The following GPC6 variants were observed in gnomAD, a reference collection of about 807,000 sequenced individuals.
GPC6 encodes glypican 6, also known as glypican-6.
In GPC6, 14 loss-of-function variants were observed where a neutral mutation model predicts 55.2. The ratio of observed to expected loss-of-function variants is 0.25; its 90% confidence interval spans 0.17 to 0.40. GPC6 has a LOEUF of 0.40. Among genes scored for constraint, GPC6 ranks in the 10% least tolerant of loss-of-function variants. The pLI is 1.00. For synonymous variants in GPC6, 278 were observed against 259.6 expected, an observed-to-expected ratio of 1.07 and a Z score of -0.68; for missense variants, 641 against 708.5, an observed-to-expected ratio of 0.90 and a Z score of 1.08.
intron 3 of GPC6, among the ~76,000 whole-genome samples, chr13:93,912,047 T>C (rs1877011975): frequency 6.6e-6 from 1 of 152,200 alleles, no homozygotes; most frequent in Admixed American, 6.5e-5. Context: ...ACACTAAGCA[T>C]GAGAGCTTTA....
At chr13:94,061,918 A>G (rs1884343762) in intron 4 of GPC6, among the ~76,000 whole-genome samples, 1 of 152,200 alleles carries the variant, frequency 6.6e-6, no homozygotes, top group Non-Finnish European at 1.5e-5. Flanking sequence ...GCTAAAAGAA[A>G]TGTGTACTGT....
chr13:93,878,811 A>G (rs1267012361), intron 3 of GPC6, among the ~76,000 whole-genome samples: 2 of 152,132 alleles, frequency 1.3e-5, no homozygotes, highest in African/African-American at 2.4e-5. Flanking sequence ...TAGAACTGTG[A>G]GAAATAAATT....
intron 2 of GPC6, among the ~76,000 whole-genome samples, chr13:93,755,728 A>G (rs550370085): frequency 2.0e-5 from 3 of 152,352 alleles, no homozygotes; most frequent in East Asian, 3.9e-4. Context: ...CTGTTCTTCC[A>G]TAAGTTGAGC....
intron 2 of GPC6, among the ~76,000 whole-genome samples, chr13:93,722,382 C>G (rs1221926398): frequency 2.0e-5 from 3 of 151,676 alleles, no homozygotes; most frequent in Non-Finnish European, 4.4e-5. Context: ...ACAAATACTT[C>G]CAAATTTTAC....
intron 6 of GPC6, among the ~76,000 whole-genome samples, chr13:94,333,163 C>G (rs1020909752): frequency 1.3e-5 from 2 of 152,214 alleles, no homozygotes; most frequent in Non-Finnish European, 2.9e-5. Flanking sequence ...CTGTGAAATA[C>G]TCAGGGCGTC....
At chr13:93,329,978 A>G (rs1010072878) in intron 1 of GPC6, among the ~76,000 whole-genome samples, 1 of 152,230 alleles carries the variant, frequency 6.6e-6, no homozygotes, top group Non-Finnish European at 1.5e-5. Context: ...TATTCACTTC[A>G]CAGGTGGACG....
chr13:94,113,045 T>G lies in GPC6; in HGVS notation c.877+85151T>G, dbSNP rs146382656. Among the ~76,000 whole-genome samples, 158 of 152,296 alleles carry G rather than the reference T, an allele frequency of 1.0e-3. 2 individuals carry two copies. In the East Asian group the frequency reaches 0.022, roughly 21 times the overall value. On this transcript the variant is annotated intron_variant, in intron 4 of 8. Coordinates refer to ENST00000377047, the MANE Select transcript of GPC6 (RefSeq NM_005708.5). Reference sequence around the variant, plus strand: ...CTTAGAGCCTGTCATAAAATGTTTTTTGAAAGAAAGTGTGCTCTTTTCACA... The same window carrying G: ...CTTAGAGCCTGTCATAAAATGTTTTGTGAAAGAAAGTGTGCTCTTTTCACA...
At chr13:94,161,561 G>C (rs1045398713) in intron 4 of GPC6, among the ~76,000 whole-genome samples, 2 of 152,118 alleles carry the variant, frequency 1.3e-5, no homozygotes, top group South Asian at 4.1e-4. Flanking sequence ...GTATACCAGA[G>C]CTCATCAGAT....
chr13:93,450,201 T>A lies in GPC6; in HGVS notation c.161-95062T>A, dbSNP rs376245562. Among the ~76,000 whole-genome samples, 4 of 152,202 alleles carry A rather than the reference T, an allele frequency of 2.6e-5. No individual in the cohort carries two copies. The East Asian group carries it at 5.8e-4, about 22-fold the overall frequency. On this transcript the variant is annotated intron_variant, in intron 1 of 8. Coordinates refer to ENST00000377047, the MANE Select transcript of GPC6 (RefSeq NM_005708.5). ...CAGACTTTATGTTTGTGCATTTTTA[T>A]CACAAGAGCCAAATATTTACAGTTG...
chr13:93,395,185 G>A, intron 1 of GPC6: 1 of 291,368 alleles, frequency 3.4e-6, no homozygotes, highest in Non-Finnish European at 6.7e-6. Context: ...TACCATCAAA[G>A]TCACTGCAAC....
intron 2 of GPC6, among the ~76,000 whole-genome samples, chr13:93,703,782 A>T (rs1433852431): frequency 6.6e-6 from 1 of 151,964 alleles, no homozygotes; most frequent in African/African-American, 2.4e-5. Context: ...ACTTATCCCT[A>T]GGTCTGTGAT....
chr13:94,115,375 G>A (rs1324120984), intron 4 of GPC6, among the ~76,000 whole-genome samples: 2 of 152,118 alleles, frequency 1.3e-5, no homozygotes, highest in Non-Finnish European at 1.5e-5. Flanking sequence ...TTAGTATTAT[G>A]TAGGTTCAAC....
At chr13:93,257,401 C>T (rs956385352) in intron 1 of GPC6, among the ~76,000 whole-genome samples, 12 of 152,138 alleles carry the variant, frequency 7.9e-5, no homozygotes, top group African/African-American at 2.7e-4. Context: ...TCTTTTCTCT[C>T]GTTATAGCAA....
At chr13:93,478,909 A>G (rs769095722) in intron 1 of GPC6, among the ~76,000 whole-genome samples, 3 of 152,156 alleles carry the variant, frequency 2.0e-5, no homozygotes, top group Non-Finnish European at 4.4e-5. Context: ...GGCATGTTGG[A>G]CCTTTTGAGA....
intron 4 of GPC6, among the ~76,000 whole-genome samples, chr13:94,196,360 A>G (rs1265827030): frequency 2.6e-5 from 4 of 152,202 alleles, no homozygotes; most frequent in Admixed American, 2.0e-4. Context: ...AGCCAAGCGC[A>G]TGCTATATAA....
At chr13:93,267,833 T>C (rs768844589) in intron 1 of GPC6, among the ~76,000 whole-genome samples, 24 of 152,124 alleles carry the variant, frequency 1.6e-4, no homozygotes, top group Non-Finnish European at 3.1e-4. Flanking sequence ...AGATTTTATA[T>C]TTTTTTAGGG....
At chr13:93,635,078 A>G (rs187903255) in intron 2 of GPC6, among the ~76,000 whole-genome samples, 1 of 152,180 alleles carries the variant, frequency 6.6e-6, no homozygotes, top group African/African-American at 2.4e-5. Context: ...CTTTGTATAT[A>G]TTTTAAAAAC....
At chr13:93,832,145 A>ATATATATATAT (rs71272209) in intron 3 of GPC6, among the ~76,000 whole-genome samples, 10 of 117,462 alleles carry the variant, frequency 8.5e-5, no homozygotes, top group Admixed American at 1.8e-4. Flanking sequence ...ATATATATAT[A>ATATATATATAT]ATGTCCTTAC....
At chr13:93,807,183 G>T (rs139879317) in intron 2 of GPC6, among the ~76,000 whole-genome samples, 1 of 152,052 alleles carries the variant, frequency 6.6e-6, no homozygotes, top group Admixed American at 6.5e-5. Flanking sequence ...CTCTTCTCCC[G>T]TTTCACTTCT....
Sources: allele counts gnomAD v4.1 joint callset (sites outside exome capture counted in the v4.1 genomes callset), GRCh38; gene constraint gnomAD v4.1.1; transcripts MANE v1.5; gene names NCBI Gene and HGNC (gene_info 2026-07-23, HGNC 2026-07-21).